Variants in GSAP observed in about 807,000 individuals in gnomAD.
GSAP encodes gamma-secretase activating protein.
Under a neutral mutation model 131.7 loss-of-function variants are expected in GSAP, and 118 were observed. The observed-to-expected ratio is 0.90, with a 90% CI of 0.77 to 1.04. GSAP has a LOEUF of 1.04. Ranked by LOEUF, GSAP falls within the 50% of genes least tolerant of loss-of-function variation. The pLI, the probability that GSAP is intolerant of heterozygous loss-of-function variation, is 0.00. For synonymous variants in GSAP, 381 were observed against 363.4 expected (o/e 1.05, Z -0.55); for missense variants, 1,019 against 1,013.2 (o/e 1.01, Z -0.08).
rs775641641 is a variant in GSAP at position 77,355,163 on chromosome 7, T to C, written c.1338+50A>G. ...ACCATTTTCAACCACAAAATAAATA[T>C]GTTCAGTGTCGTCTATCTGCCCATT... is the stretch of plus-strand genomic sequence containing the variant. On this transcript the variant is annotated intron_variant, in intron 16 of 30. Coordinates refer to ENST00000257626, the MANE Select transcript of GSAP (RefSeq NM_017439.4). 9.7e-6 allele frequency: 11 copies of C among 1,139,330 alleles called. 1 individual carries two copies. The highest frequency in any genetic ancestry group is 1.3e-5 in the Non-Finnish European group (10 of 763,934). The allele number at this position is 1,139,330 out of a possible 1,614,324, so 70.6% of individuals were successfully genotyped here.
intron 19 of GSAP, among the ~76,000 whole-genome samples, chr7:77,334,713 A>G (rs1213036029): frequency 6.6e-6 from 1 of 151,994 alleles, no homozygotes; most frequent in Non-Finnish European, 1.5e-5. Flanking sequence ...GAAAGCCACA[A>G]CTGCCCAGGA....
chr7:77,396,001 G>A (rs975202709), intron 5 of GSAP, among the ~76,000 whole-genome samples: 1 of 152,136 alleles, frequency 6.6e-6, no homozygotes, highest in Admixed American at 6.5e-5. Context: ...TCCCAAGTAC[G>A]ATTTTTAAAT....
intron 12 of GSAP, among the ~76,000 whole-genome samples, chr7:77,369,687 G>C (rs1267258786): frequency 6.6e-6 from 1 of 152,198 alleles, no homozygotes. Context: ...GAAGAATTCA[G>C]CTTTCTGCTA....
chr7:77,380,366 A>C lies in GSAP; in HGVS notation c.576+939T>G, dbSNP rs140134870. Among the ~76,000 whole-genome samples, 8 of 152,350 alleles carry C rather than the reference A, an allele frequency of 5.3e-5. No homozygotes were observed. In the East Asian group the frequency reaches 1.5e-3, roughly 29 times the overall value. On this transcript the variant is annotated intron_variant, in intron 8 of 30. Coordinates refer to ENST00000257626, the MANE Select transcript of GSAP (RefSeq NM_017439.4). ...TGGAAAAATCTGTTGGAATTTATTA[A>C]ATGCATGTACCCATCGAACAATCCA...
rs574467894 is a variant in GSAP, at chr7:77,380,052, T to C, written c.576+1253A>G. On this transcript the variant is annotated intron_variant, in intron 8 of 30. Coordinates refer to ENST00000257626, the MANE Select transcript of GSAP (RefSeq NM_017439.4). ...ATATCAATAACATATTAAGATCCTATACAAATTATCAAGAAAAAGACAAGC... is the reference window on the plus strand; with the variant it reads ...ATATCAATAACATATTAAGATCCTACACAAATTATCAAGAAAAAGACAAGC... 392 of 382,184 alleles carry C rather than the reference T, an allele frequency of 1.0e-3. 1 individual carries two copies. Among genetic ancestry groups the C allele is most frequent in the Middle Eastern group, 6.7e-3 (5 of 750 alleles). 23.7% of individuals were successfully genotyped at this position (382,184 alleles called of 1,614,324 possible).
intron 5 of GSAP, among the ~76,000 whole-genome samples, chr7:77,396,017 C>G (rs1277943682): frequency 1.3e-5 from 2 of 152,156 alleles, no homozygotes; most frequent in East Asian, 1.9e-4. Context: ...TAAATAGATT[C>G]AAGCCAACAT....
At chr7:77,375,129 C>T (rs1388760010) in intron 10 of GSAP, 28 bp from the exon 11 acceptor site, 7 of 1,427,230 alleles carry the variant, frequency 4.9e-6, no homozygotes, top group East Asian at 2.3e-5. Flanking sequence ...GAAAATGAAC[C>T]CAAAATGACA....
upstream of GSAP, chr7:77,416,539 G>C (rs1289998999): frequency 5.1e-6 from 2 of 394,896 alleles, no homozygotes; most frequent in Non-Finnish European, 9.0e-6. Flanking sequence ...AGCCGGGCAC[G>C]GCGGGTAGCG....
chr7:77,352,909 T>A (rs574178954), intron 18 of GSAP, 35 bp downstream of exon 18: 11 of 1,230,724 alleles, frequency 8.9e-6, no homozygotes, highest in Non-Finnish European at 1.2e-5. Context: ...GTGAATTGAT[T>A]TTATTTGCAT....
intron 5 of GSAP, among the ~76,000 whole-genome samples, chr7:77,393,932 C>T (rs1188456287): frequency 6.6e-6 from 1 of 152,124 alleles, no homozygotes; most frequent in Non-Finnish European, 1.5e-5. Flanking sequence ...CCTCAGCCTC[C>T]CAAAGTGCTA....
Position 77,364,897 on chromosome 7 carries a change from T to G in GSAP, c.872-2237A>C, listed in dbSNP as rs1169359050. 2.0e-5 allele frequency among the ~76,000 whole-genome samples: 3 copies of G among 152,292 alleles called. No homozygotes were observed. In the South Asian group the frequency reaches 6.2e-4, roughly 32 times the overall value. Reference sequence around the variant, plus strand: ...ACAATGGAAATGTTATATACCTGTATAGTCCAATATGGTGGCAACTAGCCA... The same window carrying G: ...ACAATGGAAATGTTATATACCTGTAGAGTCCAATATGGTGGCAACTAGCCA... On this transcript the variant is annotated intron_variant, in intron 12 of 30. Transcript: ENST00000257626.
intron 23 of GSAP, among the ~76,000 whole-genome samples, chr7:77,324,552 T>C (rs1351624556): frequency 6.6e-6 from 1 of 152,152 alleles, no homozygotes; most frequent in Non-Finnish European, 1.5e-5. Flanking sequence ...ATACCCCGAG[T>C]AAAACCAAGT....
chr7:77,391,492 T>A (rs1044065750), intron 5 of GSAP, among the ~76,000 whole-genome samples: 3 of 152,110 alleles, frequency 2.0e-5, no homozygotes, highest in African/African-American at 7.2e-5. Context: ...TCACAGCAAA[T>A]CACCAAGCTT....
intron 1 of GSAP, among the ~76,000 whole-genome samples, chr7:77,414,607 A>G (rs1803939612): frequency 6.6e-6 from 1 of 152,220 alleles, no homozygotes; most frequent in African/African-American, 2.4e-5. Context: ...AGATGAGCGA[A>G]AGATACAAGG....
chr7:77,319,453 A>G (rs1302667002), intron 26 of GSAP, among the ~76,000 whole-genome samples: 1 of 152,224 alleles, frequency 6.6e-6, no homozygotes, highest in Non-Finnish European at 1.5e-5. Flanking sequence ...GTGGGAATGT[A>G]AAGTGGTACA....
At chr7:77,361,843 T>C (rs1794565514) in intron 13 of GSAP, among the ~76,000 whole-genome samples, 1 of 152,190 alleles carries the variant, frequency 6.6e-6, no homozygotes, top group African/African-American at 2.4e-5. Flanking sequence ...TGTTTATCAA[T>C]ATCTTGGGCC....
chr7:77,328,080 T>A, intron 22 of GSAP: 2 of 376,196 alleles, frequency 5.3e-6, no homozygotes, highest in Non-Finnish European at 3.7e-6. Context: ...AGCACATGGT[T>A]CACACAAGAG....
Position 77,382,602 on chromosome 7 carries a change from G to C in GSAP, c.498C>G (p.Asn166Lys), listed in dbSNP as rs1433527797. ...TCTCTTCTGAAATCAGTAACAGATG[G>C]TTCTCTGGAAGAGGATGACTTTCAA... ...PHIESHPLPE[N>K]HLLLISEEKY... The change falls in exon 7 of 31, where the codon AAC (asparagine) becomes AAG (lysine). Residue 166 changes from asparagine (N) to lysine (K), a missense_variant. By Grantham distance (94) the Asn-to-Lys change is moderately conservative. Transcript: ENST00000257626. 6.4e-7 allele frequency: 1 copy of C among 1,572,346 alleles called. No homozygotes were observed. The highest frequency in any genetic ancestry group is 2.2e-5 in the East Asian group (1 of 44,694).
chr7:77,380,562 A>G (rs1743774410), intron 8 of GSAP, among the ~76,000 whole-genome samples: 1 of 152,202 alleles, frequency 6.6e-6, no homozygotes, highest in Non-Finnish European at 1.5e-5. Flanking sequence ...AATTGGAGCT[A>G]TTCTAGTTTA....
Sources: allele counts gnomAD v4.1 joint callset (sites outside exome capture counted in the v4.1 genomes callset), GRCh38; gene constraint gnomAD v4.1.1; transcripts MANE v1.5; gene names NCBI Gene and HGNC (gene_info 2026-07-23, HGNC 2026-07-21).